The following LARGE1 variants were observed in gnomAD, a reference collection of about 807,000 sequenced individuals.
LARGE1 encodes the protein LARGE xylosyl- and glucuronyltransferase 1.
In LARGE1, 43 loss-of-function variants were observed where a neutral mutation model predicts 87.6. The observed-to-expected ratio is 0.49, with a 90% CI of 0.38 to 0.63. The LOEUF (loss-of-function observed/expected upper bound fraction) is 0.63. LARGE1 is among the 30% of genes least tolerant of loss of function. The pLI, the probability that LARGE1 is intolerant of heterozygous loss-of-function variation, is 0.00. For missense variants in LARGE1, 802 were observed against 1,000.2 expected (o/e 0.80, Z 2.67); for synonymous variants, 434 against 394.6 (o/e 1.10, Z -1.18).
At chr22:33,237,180 G>A (rs1373111367) in intron 11 of LARGE1, among the ~76,000 whole-genome samples, 1 of 152,206 alleles carries the variant, frequency 6.6e-6, no homozygotes, top group Non-Finnish European at 1.5e-5. Flanking sequence ...CATCAATGGT[G>A]AGGAAACTTG....
intron 1 of LARGE1, among the ~76,000 whole-genome samples, chr22:33,768,436 TCACACACACACACA>T (rs71969164): frequency 2.7e-5 from 4 of 147,464 alleles, no homozygotes; most frequent in African/African-American, 7.6e-5. Flanking sequence ...ACGCGCGCGC[TCACACACACACACA>T]CACACACACA....
chr22:33,815,312 A>G (rs1295641746), intron 1 of LARGE1, among the ~76,000 whole-genome samples: 1 of 152,164 alleles, frequency 6.6e-6, no homozygotes, highest in East Asian at 1.9e-4. Context: ...CACAGTCTGC[A>G]CCCTTATCAT....
intron 2 of LARGE1, among the ~76,000 whole-genome samples, chr22:33,735,397 T>G (rs2083619454): frequency 6.6e-6 from 1 of 152,204 alleles, no homozygotes; most frequent in South Asian, 2.1e-4. Context: ...ATACATGAAA[T>G]GCACACCTTA....
At chr22:33,097,036 C>T in the LARGE1 span, among the ~76,000 whole-genome samples, 2 of 152,354 alleles carry the variant, frequency 1.3e-5, no homozygotes, top group South Asian at 2.1e-4. Context: ...ATTTTCCACA[C>T]ACACAAAAGG....
Position 33,306,119 on chromosome 22 carries a change from C to T in LARGE1, c.1452-1612G>A, listed in dbSNP as rs535935207. 3.3e-5 allele frequency among the ~76,000 whole-genome samples: 5 copies of T among 152,312 alleles called. No individual in the cohort carries two copies. In the East Asian group the frequency reaches 9.7e-4, roughly 29 times the overall value. On this transcript the variant is annotated intron_variant, in intron 11 of 14. Transcript: ENST00000397394. Reference sequence around the variant, plus strand: ...TCGGCCTCCCAAAGTGCTGGGCTTACAGGCGTGAGCCACCGCGCCTGGCCG... The same window carrying T: ...TCGGCCTCCCAAAGTGCTGGGCTTATAGGCGTGAGCCACCGCGCCTGGCCG...
At chr22:33,838,683 T>C (rs2063181289) in intron 1 of LARGE1, among the ~76,000 whole-genome samples, 1 of 152,190 alleles carries the variant, frequency 6.6e-6, no homozygotes, top group Non-Finnish European at 1.5e-5. Context: ...ATAAAACATC[T>C]TTGGCAGTAG....
Position 33,278,553 on chromosome 22 carries a change from TCACACACACACA to T in LARGE1, c.1878-1310_1878-1299del, listed in dbSNP as rs113415022. ...TGGGACTATTTTAAATCTCTCTCTC[TCACACACACACA>T]CACACACACACACACACACACACGC... On this transcript the variant is annotated intron_variant, in intron 13 of 14. Transcript: ENST00000397394. Among the ~76,000 whole-genome samples, 7 of 148,774 alleles carry T rather than the reference TCACACACACACA, an allele frequency of 4.7e-5. No individual in the cohort carries two copies. The South Asian group carries it at 6.4e-4, about 14-fold the overall frequency.
intron 1 of LARGE1, among the ~76,000 whole-genome samples, chr22:33,868,183 C>A (rs763902243): frequency 6.6e-6 from 1 of 152,200 alleles, no homozygotes; most frequent in Non-Finnish European, 1.5e-5. Flanking sequence ...GTGCTCATTA[C>A]AGGTCTCACA....
intron 6 of LARGE1, among the ~76,000 whole-genome samples, chr22:33,558,740 T>C (rs1435919853): frequency 6.6e-6 from 1 of 152,226 alleles, no homozygotes; most frequent in Non-Finnish European, 1.5e-5. Flanking sequence ...AGGCAACTGA[T>C]TATAAGCATA....
At chr22:33,453,892 T>G (rs1398314999) in intron 6 of LARGE1, among the ~76,000 whole-genome samples, 1 of 152,234 alleles carries the variant, frequency 6.6e-6, no homozygotes, top group Non-Finnish European at 1.5e-5. Flanking sequence ...GAGGCTGTTT[T>G]ATTTGAATGT....
chr22:33,317,408 C>T (rs1017449021), intron 10 of LARGE1, among the ~76,000 whole-genome samples: 2 of 152,142 alleles, frequency 1.3e-5, no homozygotes, highest in African/African-American at 4.8e-5. Context: ...CAAAACTTAG[C>T]ACGTTAACAA....
At chr22:33,169,291 C>G (rs183321749) in intron 11 of LARGE1, among the ~76,000 whole-genome samples, 45 of 152,026 alleles carry the variant, frequency 3.0e-4, no homozygotes, top group African/African-American at 1.1e-3. Context: ...CATCATCTTC[C>G]CATGTGGGCC....
chr22:33,347,028 G>GTCAACACA (rs1443650112), intron 9 of LARGE1, among the ~76,000 whole-genome samples: 2 of 152,148 alleles, frequency 1.3e-5, no homozygotes, highest in Non-Finnish European at 2.9e-5. Flanking sequence ...ACCATGAGAG[G>GTCAACACA]TCAACACATT....
chr22:33,921,451 C>A (rs1350497735), upstream of LARGE1, among the ~76,000 whole-genome samples: 1 of 152,006 alleles, frequency 6.6e-6, no homozygotes, highest in Non-Finnish European at 1.5e-5. This position sits in a 1 kb window ranked among gnomAD's most constrained non-coding sequence, Gnocchi z 4.1. Flanking sequence ...GCAGCCTGCT[C>A]CCCAAATTGC....
intron 2 of LARGE1, among the ~76,000 whole-genome samples, chr22:33,664,265 T>C (rs2149243025): frequency 6.6e-6 from 1 of 152,362 alleles, no homozygotes; most frequent in Non-Finnish European, 1.5e-5. Flanking sequence ...AGCCTTGGAT[T>C]TCCACCTCCA....
intron 2 of LARGE1, among the ~76,000 whole-genome samples, chr22:33,696,315 T>G (rs1257279393): frequency 6.8e-6 from 1 of 147,512 alleles, no homozygotes; most frequent in Non-Finnish European, 1.5e-5. Context: ...CAGGCTGGAG[T>G]GCAGTGGCGC....
intron 6 of LARGE1, among the ~76,000 whole-genome samples, chr22:33,469,776 C>T (rs2148092022): frequency 6.6e-6 from 1 of 150,680 alleles, no homozygotes; most frequent in South Asian, 2.1e-4. Flanking sequence ...TGCAGTCAGC[C>T]AAGATCGCAC....
intron 6 of LARGE1, among the ~76,000 whole-genome samples, chr22:33,451,079 C>T (rs1432090555): frequency 1.3e-5 from 2 of 152,198 alleles, no homozygotes; most frequent in African/African-American, 4.8e-5. Context: ...CCTTAGCAAG[C>T]CAAGGACAAC....
intron 2 of LARGE1, among the ~76,000 whole-genome samples, chr22:33,747,439 C>A (rs1211434782): frequency 6.6e-6 from 1 of 152,120 alleles, no homozygotes. Context: ...TTGCTCTTCT[C>A]CCTGCCTGAA....
Sources: allele counts gnomAD v4.1 joint callset (sites outside exome capture counted in the v4.1 genomes callset), GRCh38; gene constraint gnomAD v4.1.1; non-coding constraint Gnocchi (gnomAD v3.1); transcripts MANE v1.5; gene names NCBI Gene and HGNC (gene_info 2026-07-23, HGNC 2026-07-21).